ATP2C1: variants seen among roughly 807,000 people sequenced by gnomAD.
The protein encoded by ATP2C1 is ATPase secretory pathway Ca2+ transporting 1, also known as calcium-transporting ATPase type 2C member 1.
In ATP2C1, 31 loss-of-function variants were observed where a neutral mutation model predicts 120.5. The observed-to-expected ratio is 0.26, with a 90% CI of 0.19 to 0.35. The LOEUF (loss-of-function observed/expected upper bound fraction) is 0.35. ATP2C1 is among the 10% of genes least tolerant of loss of function. ATP2C1 has a pLI of 1.00. For missense variants in ATP2C1, 731 were observed against 1,107.5 expected, an observed-to-expected ratio of 0.66 and a Z score of 4.83; for synonymous variants, 351 against 358.7, an observed-to-expected ratio of 0.98 and a Z score of 0.24.
At chr3:130,940,171 G>T (rs2059832764) in intron 6 of ATP2C1, among the ~76,000 whole-genome samples, 1 of 152,188 alleles carries the variant, frequency 6.6e-6, no homozygotes, top group African/African-American at 2.4e-5. Flanking sequence ...TTTATCCCAT[G>T]TTTGTTCTAA....
At chr3:130,983,179 T>C (rs2061847027) in intron 20 of ATP2C1, among the ~76,000 whole-genome samples, 1 of 152,196 alleles carries the variant, frequency 6.6e-6, no homozygotes, top group South Asian at 2.1e-4. Flanking sequence ...CTGTAAATGT[T>C]CCTTTAAGGA....
Position 130,894,420 on chromosome 3 carries a change from TG to T in ATP2C1, c.-181+90del. On this transcript the variant is annotated intron_variant, in intron 1 of 27. Coordinates refer to ENST00000510168, the MANE Select transcript of ATP2C1 (RefSeq NM_001378687.1). This position sits in a 1 kb window ranked among gnomAD's most constrained non-coding sequence, Gnocchi z 4.5. ...AGGGGAGGTTCGGGTATCCCCTGGA[TG>T]GGGGGGCATCTCTAGGGCGCCGCCC... 1 of 1,235,808 alleles carries T rather than the reference TG, an allele frequency of 8.1e-7. No individual in the cohort carries two copies. Among genetic ancestry groups the T allele is most frequent in the East Asian group, 4.3e-5 (1 of 23,112 alleles). 76.6% of individuals were successfully genotyped at this position (1,235,808 alleles called of 1,614,324 possible). A position where few individuals can be genotyped will look rare whatever the true frequency, so the allele number is the denominator to read the frequency against.
At chr3:130,990,642 C>A (rs140294766) in intron 20 of ATP2C1, among the ~76,000 whole-genome samples, 47 of 152,300 alleles carry the variant, frequency 3.1e-4, no homozygotes, top group African/African-American at 1.1e-3. Context: ...TCTGTTTTAA[C>A]AGTGCCACTC....
intron 21 of ATP2C1, 81 bp downstream of exon 21, chr3:130,993,082 G>A: frequency 8.0e-7 from 1 of 1,243,896 alleles, no homozygotes; most frequent in Non-Finnish European, 1.2e-6. Context: ...GCATTACAGG[G>A]AGTAGAGCAT....
intron 8 of ATP2C1, among the ~76,000 whole-genome samples, chr3:130,950,915 A>G (rs186163511): frequency 1.3e-3 from 201 of 152,244 alleles, no homozygotes; most frequent in Non-Finnish European, 2.0e-3. Flanking sequence ...ACTTCATGTT[A>G]GTATTTATCC....
Position 130,975,429 on chromosome 3 carries a change from A to G in ATP2C1, c.1511A>G (p.Gln504Arg). The change falls in exon 18 of 28, where the codon CAG becomes CGG. Residue 504 changes from glutamine to arginine, a missense_variant. Coordinates refer to ENST00000510168, the MANE Select transcript of ATP2C1 (RefSeq NM_001378687.1). ...AAAGGGCAGACCTTGACACTTACTC[A>G]GCAGCAGAGAGATGTGTACCAACAA... ...QSKGQTLTLT[Q>R]QQRDVYQQEK... The G allele has an allele frequency of 1.2e-6, 2 of 1,613,946 alleles. No homozygotes were observed. The highest frequency in any genetic ancestry group is 8.5e-7 in the Non-Finnish European group (1 of 1,179,878).
At chr3:130,905,964 T>C (rs1013734491) in intron 2 of ATP2C1, among the ~76,000 whole-genome samples, 5 of 152,044 alleles carry the variant, frequency 3.3e-5, no homozygotes, top group East Asian at 1.9e-4. Context: ...CTAAATCTTA[T>C]TTGTTCTGTA....
At chr3:130,923,385 C>G (rs112959684) in intron 2 of ATP2C1, among the ~76,000 whole-genome samples, 62 of 152,098 alleles carry the variant, frequency 4.1e-4, no homozygotes, top group African/African-American at 1.4e-3. Flanking sequence ...CACCACCATG[C>G]CTGGCTAATT....
chr3:130,857,931 C>T (rs1182019302), intron 1 of ATP2C1, among the ~76,000 whole-genome samples: 1 of 152,182 alleles, frequency 6.6e-6, no homozygotes, highest in Non-Finnish European at 1.5e-5. Flanking sequence ...GGGAAGCTGA[C>T]TGTGCAGCCT....
chr3:130,986,619 A>G (rs2062024199), intron 20 of ATP2C1, among the ~76,000 whole-genome samples: 1 of 152,220 alleles, frequency 6.6e-6, no homozygotes, highest in Non-Finnish European at 1.5e-5. Context: ...GCCCTGTCAG[A>G]AGCTCGTTGA....
At chr3:131,001,150 A>G in intron 27 of ATP2C1, 70 bp from the exon 28 acceptor site, 1 of 1,253,994 alleles carries the variant, frequency 8.0e-7, no homozygotes, top group Non-Finnish European at 1.1e-6. Context: ...TGCTAGAAAA[A>G]TGTAAGCTAT....
At chr3:130,911,063 GA>G (rs1385575919) in intron 2 of ATP2C1, among the ~76,000 whole-genome samples, 2 of 152,002 alleles carry the variant, frequency 1.3e-5, no homozygotes, top group Admixed American at 6.5e-5. Flanking sequence ...ATTTGGCTGT[GA>G]ATCCATCTGG....
intron 9 of ATP2C1, 109 bp from the exon 10 acceptor site, chr3:130,954,903 G>A (rs1230276802): frequency 1.3e-6 from 1 of 776,330 alleles, no homozygotes; most frequent in Non-Finnish European, 2.3e-6. Context: ...GTGTATGTTA[G>A]ACATCTTCAC....
At chr3:130,970,176 G>T (rs563092797) in intron 17 of ATP2C1, among the ~76,000 whole-genome samples, 2 of 152,134 alleles carry the variant, frequency 1.3e-5, no homozygotes, top group East Asian at 3.9e-4. Context: ...AAATTAGCCA[G>T]GTGTGGTGGT....
intron 2 of ATP2C1, chr3:130,918,879 C>T (rs2058808136): frequency 3.1e-6 from 1 of 320,624 alleles, no homozygotes; most frequent in South Asian, 2.7e-5. Flanking sequence ...GTAGTCCCAG[C>T]TACTCGGGAG....
At chr3:130,965,817 A>T (rs1468594570) in intron 14 of ATP2C1, among the ~76,000 whole-genome samples, 1 of 152,094 alleles carries the variant, frequency 6.6e-6, no homozygotes, top group Non-Finnish European at 1.5e-5. Flanking sequence ...TATCTTAGGT[A>T]AAATTTTCTG....
intron 26 of ATP2C1, among the ~76,000 whole-genome samples, chr3:131,012,060 ATTAC>A (rs1296075937): frequency 6.6e-6 from 1 of 152,138 alleles, no homozygotes; most frequent in Non-Finnish European, 1.5e-5. Flanking sequence ...AACCTGACTT[ATTAC>A]TTCTGCTGGA....
chr3:130,889,599 C>T (rs894271076), upstream of ATP2C1, among the ~76,000 whole-genome samples: 7 of 151,416 alleles, frequency 4.6e-5, no homozygotes, highest in East Asian at 1.4e-3. Context: ...CCTAGTTAAC[C>T]CCTTTGTGGT....
intron 2 of ATP2C1, among the ~76,000 whole-genome samples, chr3:130,913,137 CCTAATG>C (rs2058518043): frequency 6.7e-6 from 1 of 148,950 alleles, no homozygotes; most frequent in Non-Finnish European, 1.5e-5. Flanking sequence ...GGGAGATATA[CCTAATG>C]CTAGATGACG....
Sources: allele counts gnomAD v4.1 joint callset (sites outside exome capture counted in the v4.1 genomes callset), GRCh38; gene constraint gnomAD v4.1.1; non-coding constraint Gnocchi (gnomAD v3.1); transcripts MANE v1.5; gene names NCBI Gene and HGNC (gene_info 2026-07-23, HGNC 2026-07-21).